CRYZ: variants seen among roughly 807,000 people sequenced by gnomAD.
CRYZ encodes zeta-crystallin.
In CRYZ, 35 loss-of-function variants were observed where a neutral mutation model predicts 34.1. That is an observed-to-expected ratio of 1.03 (90% CI 0.78 to 1.36). CRYZ has a LOEUF of 1.36. CRYZ is among the 40% of genes most tolerant of loss of function. The pLI is 0.00. For synonymous variants in CRYZ, 137 were observed against 136.5 expected (o/e 1.00, Z -0.03); for missense variants, 403 against 391.8 (o/e 1.03, Z -0.24).
intron 8 of CRYZ, among the ~76,000 whole-genome samples, chr1:74,706,690 T>C (rs2100687445): frequency 6.6e-6 from 1 of 152,214 alleles, no homozygotes; most frequent in Non-Finnish European, 1.5e-5. Flanking sequence ...CCTGAAATTA[T>C]TACTAGTATC....
intron 5 of CRYZ, among the ~76,000 whole-genome samples, chr1:74,710,841 G>A (rs1387184800): frequency 6.6e-6 from 1 of 152,178 alleles, no homozygotes; most frequent in African/African-American, 2.4e-5. Flanking sequence ...TATATTCTAA[G>A]GGTGGAGGAA....
At chr1:74,721,288 A>G (rs1459883839) in intron 3 of CRYZ, among the ~76,000 whole-genome samples, 1 of 152,218 alleles carries the variant, frequency 6.6e-6, no homozygotes, top group Non-Finnish European at 1.5e-5. Context: ...AATATGAACA[A>G]AAACACAGAG....
At chr1:74,723,340 G>A in intron 2 of CRYZ, 70 bp from the exon 3 acceptor site, 3 of 1,445,000 alleles carry the variant, frequency 2.1e-6, no homozygotes, top group South Asian at 1.3e-5. Context: ...CTAGGACTGT[G>A]CTGATTATGG....
rs541001376 is a variant in CRYZ at position 74,723,524 on chromosome 1, G to A, written c.112-254C>T. On this transcript the variant is annotated intron_variant, in intron 2 of 8. Coordinates refer to ENST00000340866, the MANE Select transcript of CRYZ (RefSeq NM_001889.4). ...AATATCTAAGGGGATATGTGGCAGA[G>A]ACCTCTGCGTGTTCATCAAACCCGT... Among the ~76,000 whole-genome samples the A allele has an allele frequency of 1.4e-4, 22 of 152,306 alleles. No individual in the cohort carries two copies. In the East Asian group the frequency reaches 3.9e-3, roughly 27 times the overall value.
At chr1:74,706,509 T>C in intron 8 of CRYZ, 52 bp from the exon 9 acceptor site, 1 of 1,504,326 alleles carries the variant, frequency 6.6e-7, no homozygotes, top group Non-Finnish European at 9.0e-7. Flanking sequence ...ATGATTTAAT[T>C]TTCAGAAGCA....
At chr1:74,713,387 G>A (rs1050491646) in intron 5 of CRYZ, among the ~76,000 whole-genome samples, 1 of 152,124 alleles carries the variant, frequency 6.6e-6, no homozygotes, top group African/African-American at 2.4e-5. Flanking sequence ...AGACCCTTTA[G>A]TTACTTAGGG....
At chr1:74,721,734 G>C (rs2100719504) in intron 3 of CRYZ, among the ~76,000 whole-genome samples, 1 of 152,326 alleles carries the variant, frequency 6.6e-6, no homozygotes, top group Middle Eastern at 3.4e-3. Flanking sequence ...TCACACAAGA[G>C]AGGCGCTATC....
intron 1 of CRYZ, among the ~76,000 whole-genome samples, chr1:74,732,226 G>A (rs1338645607): frequency 6.9e-6 from 1 of 144,282 alleles, no homozygotes; most frequent in African/African-American, 2.6e-5. Context: ...CCCTACCTAG[G>A]AGAAGAAATC....
At chr1:74,731,849 A>G (rs11485264) in intron 1 of CRYZ, among the ~76,000 whole-genome samples, 30,484 of 152,158 alleles carry the variant, frequency 0.2, 4,292 homozygotes, top group East Asian at 0.71. Flanking sequence ...AGTCTCCTCT[A>G]GAAACTCAGT....
intron 8 of CRYZ, 70 bp downstream of exon 8, chr1:74,706,829 T>C (rs1287813356): frequency 3.1e-6 from 4 of 1,287,752 alleles, no homozygotes; most frequent in Admixed American, 1.8e-5. Context: ...ATTCAAACTT[T>C]CAGCTTGCCT....
At chr1:74,711,327 C>T (rs577662922) in intron 5 of CRYZ, among the ~76,000 whole-genome samples, 29 of 152,094 alleles carry the variant, frequency 1.9e-4, no homozygotes, top group South Asian at 2.1e-4. Context: ...ACAAAGAAAG[C>T]GGTGAGGAAA....
Position 74,705,672 on chromosome 1 carries a change from A to G in CRYZ, c.*624T>C, listed in dbSNP as rs111789014. On this transcript the variant is annotated 3_prime_UTR_variant, in exon 9 of 9. Coordinates refer to ENST00000340866, the MANE Select transcript of CRYZ (RefSeq NM_001889.4). ...AGTATTACCTATTTGGAGACTATGT[A>G]TTATATCAAAGATAAAGCTACTATT... The G allele has an allele frequency of 6.6e-6, 1 of 152,180 alleles. No homozygotes were observed. The highest frequency in any genetic ancestry group is 2.4e-5 in the African/African-American group (1 of 41,462). 9.4% of individuals were successfully genotyped at this position (152,180 alleles called of 1,614,324 possible).
At chr1:74,712,430 C>T (rs1647017424) in intron 5 of CRYZ, among the ~76,000 whole-genome samples, 1 of 152,082 alleles carries the variant, frequency 6.6e-6, no homozygotes, top group Admixed American at 6.5e-5. Context: ...CTACTCATAA[C>T]CAGTGATTTA....
At chr1:74,721,535 T>C (rs1218503033) in intron 3 of CRYZ, among the ~76,000 whole-genome samples, 1 of 152,148 alleles carries the variant, frequency 6.6e-6, no homozygotes, top group Admixed American at 6.6e-5. Context: ...AGTGATTCAT[T>C]CTAGAGTAAG....
chr1:74,727,916 G>A (rs1388179977), intron 1 of CRYZ, among the ~76,000 whole-genome samples: 1 of 152,200 alleles, frequency 6.6e-6, no homozygotes. Flanking sequence ...CCTTTCAAGA[G>A]GTGACTATAA....
intron 1 of CRYZ, among the ~76,000 whole-genome samples, chr1:74,727,638 C>T (rs1404263987): frequency 1.2e-5 from 1 of 82,634 alleles, no homozygotes; most frequent in African/African-American, 6.3e-5. Context: ...CAGCGAGACT[C>T]TGTCTCAAAA....
At chr1:74,724,229 G>A (rs766345970) in intron 2 of CRYZ, among the ~76,000 whole-genome samples, 7 of 152,128 alleles carry the variant, frequency 4.6e-5, no homozygotes, top group Non-Finnish European at 1.0e-4. Flanking sequence ...TTAGACTTGG[G>A]AGCCATGGAG....
chr1:74,723,037 A>C, intron 3 of CRYZ, 81 bp downstream of exon 3: 1 of 1,424,914 alleles, frequency 7.0e-7, no homozygotes, highest in African/African-American at 1.4e-5. Flanking sequence ...AAAACCTTAA[A>C]TAAGATGCAG....
intron 1 of CRYZ, among the ~76,000 whole-genome samples, chr1:74,726,063 G>A (rs1156818006): frequency 1.3e-5 from 2 of 152,224 alleles, no homozygotes; most frequent in Non-Finnish European, 2.9e-5. Context: ...CTGGCATTGA[G>A]TGTCTGCAGC....
Sources: allele counts gnomAD v4.1 joint callset (sites outside exome capture counted in the v4.1 genomes callset), GRCh38; gene constraint gnomAD v4.1.1; transcripts MANE v1.5; gene names NCBI Gene and HGNC (gene_info 2026-07-23, HGNC 2026-07-21).